The following KIAA1549 variants were observed in gnomAD, a reference collection of about 807,000 sequenced individuals.
The protein encoded by KIAA1549 is UPF0606 protein KIAA1549.
KIAA1549 carries 70 observed loss-of-function variants against 156.4 expected under a neutral mutation model. The ratio of observed to expected loss-of-function variants is 0.45; its 90% CI spans 0.37 to 0.55. The LOEUF (loss-of-function observed/expected upper bound fraction) is 0.55. KIAA1549 is among the 20% of genes least tolerant of loss of function. KIAA1549 has a pLI of 0.00. For missense variants in KIAA1549, 2,428 were observed against 2,540.9 expected, an observed-to-expected ratio of 0.96 and a Z score of 0.96; for synonymous variants, 1,103 against 1,066.4, an observed-to-expected ratio of 1.03 and a Z score of -0.67.
chr7:138,840,906 C>A (rs1217522276), intron 18 of KIAA1549, among the ~76,000 whole-genome samples: 1 of 152,158 alleles, frequency 6.6e-6, no homozygotes, highest in Non-Finnish European at 1.5e-5. Context: ...TCACTGCACT[C>A]CTTAAGGACA....
intron 10 of KIAA1549, among the ~76,000 whole-genome samples, chr7:138,887,539 A>G (rs1811427797): frequency 6.6e-6 from 1 of 152,138 alleles, no homozygotes; most frequent in Non-Finnish European, 1.5e-5. Flanking sequence ...AGAGCTGTCC[A>G]GCATGTGCCT....
At chr7:138,968,281 C>T (rs1814095665) in intron 1 of KIAA1549, among the ~76,000 whole-genome samples, 1 of 152,146 alleles carries the variant, frequency 6.6e-6, no homozygotes, top group East Asian at 1.9e-4. Flanking sequence ...TGTAGCAAAT[C>T]ACCATGGCAC....
intron 17 of KIAA1549, among the ~76,000 whole-genome samples, chr7:138,848,217 A>G (rs758469413): frequency 1.4e-4 from 21 of 152,178 alleles, no homozygotes; most frequent in Admixed American, 2.6e-4. Context: ...CTTGTTACAG[A>G]GCAATTTTGA....
chr7:138,908,888 C>T, intron 5 of KIAA1549, 103 bp downstream of exon 5: 1 of 1,416,242 alleles, frequency 7.1e-7, no homozygotes, highest in South Asian at 1.3e-5. Flanking sequence ...AACTGGGTTT[C>T]CGCCACTGGA....
intron 17 of KIAA1549, among the ~76,000 whole-genome samples, chr7:138,849,041 A>C (rs138373656): frequency 1.1e-3 from 164 of 152,280 alleles, no homozygotes; most frequent in African/African-American, 3.8e-3. Context: ...CCCCAAATTT[A>C]TTAACAAAAA....
At chr7:138,979,543 C>T (rs1814481011) in intron 1 of KIAA1549, among the ~76,000 whole-genome samples, 1 of 152,170 alleles carries the variant, frequency 6.6e-6, no homozygotes, top group South Asian at 2.1e-4. Flanking sequence ...ATCTGGCACA[C>T]AAAAAGCACT....
At chr7:138,901,360 C>G (rs1811836906) in intron 8 of KIAA1549, among the ~76,000 whole-genome samples, 1 of 146,082 alleles carries the variant, frequency 6.8e-6, no homozygotes, top group African/African-American at 2.6e-5. Context: ...GAGTCTCACT[C>G]TGTCCCCGAG....
At chr7:138,911,007 G>T in intron 4 of KIAA1549, 139 bp downstream of exon 4, 1 of 711,882 alleles carries the variant, frequency 1.4e-6, no homozygotes, top group Non-Finnish European at 2.3e-6. Flanking sequence ...ATTCCAGCCT[G>T]GGCAACAGAC....
At chr7:138,956,917 G>C (rs989229727) in intron 1 of KIAA1549, among the ~76,000 whole-genome samples, 1 of 127,360 alleles carries the variant, frequency 7.9e-6, no homozygotes, top group Non-Finnish European at 1.6e-5. Flanking sequence ...GTGCCAGGTG[G>C]AGGGGCTAAG....
At chr7:138,889,740 C>G (rs1022895175) in intron 10 of KIAA1549, among the ~76,000 whole-genome samples, 1 of 152,202 alleles carries the variant, frequency 6.6e-6, no homozygotes, top group Admixed American at 6.5e-5. Flanking sequence ...CTGAGTGAGT[C>G]ATCACCTTCT....
At chr7:138,969,636 A>T (rs1043168646) in intron 1 of KIAA1549, among the ~76,000 whole-genome samples, 1 of 152,192 alleles carries the variant, frequency 6.6e-6, no homozygotes, top group African/African-American at 2.4e-5. Context: ...TCTGTCTCCC[A>T]GTCTGGAGTG....
chr7:138,869,649 G>A lies in KIAA1549; in HGVS notation c.4664C>T (p.Ser1555Leu), dbSNP rs555628608. 6.8e-6 allele frequency: 11 copies of A among 1,611,782 alleles called. No individual in the cohort carries two copies. The highest frequency in any genetic ancestry group is 3.3e-5 in the Admixed American group (2 of 59,966). The change falls in exon 14 of 20, where the codon TCG becomes TTG. Residue 1555 changes from serine (S) to leucine (L), a missense_variant. Ser to Leu is a moderately radical substitution (Grantham distance 145, BLOSUM62 -2). This residue lies in a region of KIAA1549 where 404 missense variants were observed against 417.0 expected (regional missense o/e 0.97). Coordinates refer to ENST00000422774, the MANE Select transcript of KIAA1549 (RefSeq NM_001164665.2). ...CCGGTGTCGCTCCTTAGTGTCGCCC[G>A]AGGACAGGTCGTCTACCACCGGGAA... ...YEFPVVDDLS[S>L]GDTKERHRVY...
At position 138,881,440 on chromosome 7, in the gene KIAA1549, C is replaced by T. The variant is rs563679165; in HGVS notation, c.4177G>A (p.Val1393Met). ...DHTTPSENGD[V>M]PSPKSKIPSK... The stretch of plus-strand genomic sequence containing the variant: ...GGGATCTTTGACTTGGGGCTTGGCA[C>T]GTCTCCATTTTCCGAGGGCGTGGTG... Residue 1393 changes from valine (V) to methionine (M), a missense_variant, in exon 11 of 20, where the codon GTG (valine) becomes ATG (methionine). Val to Met is a conservative substitution (Grantham distance 21). This residue lies in a region of KIAA1549 where 404 missense variants were observed against 417.0 expected (regional missense o/e 0.97). Coordinates refer to ENST00000422774, the MANE Select transcript of KIAA1549 (RefSeq NM_001164665.2). 7.4e-6 allele frequency: 12 copies of T among 1,614,016 alleles called. No individual in the cohort carries two copies. In the East Asian group the frequency reaches 8.9e-5, roughly 12 times the overall value.
intron 1 of KIAA1549, among the ~76,000 whole-genome samples, chr7:138,954,122 T>C (rs1467412458): frequency 6.6e-6 from 1 of 152,166 alleles, no homozygotes; most frequent in Non-Finnish European, 1.5e-5. Context: ...GTAATAAAAA[T>C]TGGCTTCTAA....
intron 16 of KIAA1549, among the ~76,000 whole-genome samples, chr7:138,858,153 C>A: frequency 6.6e-6 from 1 of 151,862 alleles, no homozygotes; most frequent in Non-Finnish European, 1.5e-5. Flanking sequence ...CAGAGTCTCA[C>A]TCTTTTGCCC....
At chr7:138,853,325 A>C (rs1411978398) in intron 16 of KIAA1549, among the ~76,000 whole-genome samples, 1 of 152,208 alleles carries the variant, frequency 6.6e-6, no homozygotes, top group Non-Finnish European at 1.5e-5. Context: ...ACATCACTAA[A>C]AAGTACTCAC....
At chr7:138,848,367 A>C (rs1170009457) in intron 17 of KIAA1549, among the ~76,000 whole-genome samples, 1 of 152,226 alleles carries the variant, frequency 6.6e-6, no homozygotes, top group Non-Finnish European at 1.5e-5. Flanking sequence ...TTGTTTGCTA[A>C]GATTTTTACC....
chr7:138,958,041 T>C (rs1813721035), intron 1 of KIAA1549, among the ~76,000 whole-genome samples: 1 of 152,254 alleles, frequency 6.6e-6, no homozygotes, highest in Admixed American at 6.5e-5. Context: ...ACGTTTTGAA[T>C]TTTCCTTTGA....
intron 1 of KIAA1549, among the ~76,000 whole-genome samples, chr7:138,929,272 A>G (rs964204567): frequency 1.3e-5 from 2 of 152,214 alleles, no homozygotes; most frequent in African/African-American, 4.8e-5. Context: ...CTTTGTTGTC[A>G]TTTCAACAAT....
Sources: allele counts gnomAD v4.1 joint callset (sites outside exome capture counted in the v4.1 genomes callset), GRCh38; gene constraint gnomAD v4.1.1; regional missense constraint gnomAD v4.1.1; transcripts MANE v1.5; gene names NCBI Gene and HGNC (gene_info 2026-07-23, HGNC 2026-07-21).